The following DST variants were observed in gnomAD, a reference collection of about 807,000 sequenced individuals.
DST encodes bullous pemphigoid antigen.
Under a neutral mutation model 875.2 loss-of-function variants are expected in DST, and 253 were observed. The observed-to-expected ratio is 0.29, with a 90% CI of 0.26 to 0.32. DST has a LOEUF of 0.32. Among genes scored for constraint, DST ranks in the 10% least tolerant of loss-of-function variants. DST has a pLI of 1.00. For missense variants in DST, 8,287 were observed against 9,111.6 expected (o/e 0.91, Z 3.68); for synonymous variants, 3,124 against 3,197.1 (o/e 0.98, Z 0.77).
rs1470930996 is a variant in DST, at chr6:56,473,924, G to A, written c.21943C>T (p.Pro7315Ser). The A allele has an allele frequency of 1.9e-6, 3 of 1,594,150 alleles. No individual in the cohort carries two copies. In the African/African-American group the frequency reaches 4.0e-5, roughly 21 times the overall value. The change falls in exon 93 of 104, where the codon CCT (proline) becomes TCT (serine). Residue 7315 changes from proline to serine, a missense_variant. By Grantham distance (74) the Pro-to-Ser change is moderately conservative. Around this residue, in one of 10 missense-constraint regions of DST, gnomAD observed 1,292 missense variants for 1,552.7 expected, o/e 0.83. Transcript: ENST00000680361. ...TKTYKRRAAD[P>S]SSLQSHIPVL... Reference sequence around the variant, plus strand: ...GGAATATGGGATTGTAATGAGGAAGGATCAGCAGCTCTCCTCTTATAGGTC... The same window carrying A: ...GGAATATGGGATTGTAATGAGGAAGAATCAGCAGCTCTCCTCTTATAGGTC...
In DST at chr6:56,900,605, G is replaced by A. The variant is rs1275962990; in HGVS notation, c.233C>T (p.Pro78Leu). 5.1e-6 allele frequency: 7 copies of A among 1,367,536 alleles called. No homozygotes were observed. Among genetic ancestry groups the A allele is most frequent in the East Asian group, 9.1e-5 (2 of 21,980 alleles). The allele number at this position is 1,367,536 out of a possible 1,614,324, so 84.7% of individuals were successfully genotyped here. The change falls in exon 3 of 104, where the codon CCT becomes CTT. Residue 78 changes from proline (P) to leucine (L), a missense_variant. Physicochemically the swap from Pro to Leu is moderately conservative, Grantham distance 98. Around this residue, in one of 10 missense-constraint regions of DST, gnomAD observed 1,160 missense variants for 1,424.3 expected, o/e 0.81. Coordinates refer to ENST00000680361, the MANE Select transcript of DST (RefSeq NM_001374736.1). ...TGCAACTCGTCTTCTAAGATGCCGA[G>A]GGCTTGCTCTGAATCCCTGTGGCAG... is the stretch of plus-strand genomic sequence containing the variant. ...HFRSEGFRAS[P>L]RHLRRRVAAA... is the part of the protein sequence containing the mutation.
chr6:56,710,172 A>G (rs1445680659), intron 5 of DST, among the ~76,000 whole-genome samples: 1 of 152,208 alleles, frequency 6.6e-6, no homozygotes, highest in Non-Finnish European at 1.5e-5. Flanking sequence ...CAATCTGTAC[A>G]CAATAATAGA....
At chr6:56,469,056 TA>T in intron 97 of DST, 57 bp from the exon 98 acceptor site, 1 of 1,418,036 alleles carries the variant, frequency 7.1e-7, no homozygotes, top group Non-Finnish European at 9.8e-7. Flanking sequence ...AAACTTTCTG[TA>T]TGACTCTAGA....
chr6:56,792,975 G>A (rs1004189159), intron 4 of DST, among the ~76,000 whole-genome samples: 23 of 149,216 alleles, frequency 1.5e-4, no homozygotes, highest in Non-Finnish European at 3.0e-4. Flanking sequence ...GGCTGAGAAG[G>A]GAGACTCGCT....
intron 4 of DST, among the ~76,000 whole-genome samples, chr6:56,780,600 G>C (rs918830781): frequency 6.6e-6 from 1 of 152,024 alleles, no homozygotes. Flanking sequence ...AAATTTGTTG[G>C]AGTTCATTGT....
In DST at chr6:56,481,822, T is replaced by G. The variant is rs547405800; in HGVS notation, c.21531+228A>C. ...TGAGATAGGAAACAGAGTAACTACCTTCCCTGAAAAGGAAACATCAAAAGA... is the reference window on the plus strand; with the variant it reads ...TGAGATAGGAAACAGAGTAACTACCGTCCCTGAAAAGGAAACATCAAAAGA... On this transcript the variant is annotated intron_variant, in intron 90 of 103. Transcript: ENST00000680361. Among the ~76,000 whole-genome samples, 3 of 152,276 alleles carry G rather than the reference T, an allele frequency of 2.0e-5. No individual in the cohort carries two copies. In the East Asian group the frequency reaches 5.8e-4, roughly 29 times the overall value.
At chr6:56,488,926 C>T (rs1041666760) in intron 86 of DST, among the ~76,000 whole-genome samples, 1 of 152,046 alleles carries the variant, frequency 6.6e-6, no homozygotes, top group Non-Finnish European at 1.5e-5. Context: ...ATTTAAAAAA[C>T]AATGTTTCTA....
chr6:56,829,347 T>G (rs2099784418), intron 4 of DST, among the ~76,000 whole-genome samples: 1 of 152,194 alleles, frequency 6.6e-6, no homozygotes, highest in African/African-American at 2.4e-5. Context: ...TAAAAACACT[T>G]TTAAAAGTGT....
rs2098794401 is a variant in DST, at chr6:56,633,041, A to T, written c.3622-4T>A. The T allele has an allele frequency of 1.9e-6, 3 of 1,612,308 alleles. No individual in the cohort carries two copies. In the South Asian group the frequency reaches 3.3e-5, roughly 18 times the overall value. The stretch of plus-strand genomic sequence containing the variant: ...CACCAGGTAGCATTGTCTTTATCTA[A>T]AGAAGACCAAAGACCCATGTAATTC... On this transcript the variant is annotated splice_region_variant and splice_polypyrimidine_tract_variant and intron_variant, in intron 27 of 103. Coordinates refer to ENST00000680361, the MANE Select transcript of DST (RefSeq NM_001374736.1).
At chr6:56,524,871 C>G (rs1223893050) in intron 69 of DST, among the ~76,000 whole-genome samples, 1 of 151,682 alleles carries the variant, frequency 6.6e-6, no homozygotes, top group African/African-American at 2.4e-5. Flanking sequence ...ATGAATTTTT[C>G]TATATTCTTT....
chr6:56,694,495 G>C (rs2099251600), intron 9 of DST, among the ~76,000 whole-genome samples: 1 of 152,036 alleles, frequency 6.6e-6, no homozygotes, highest in African/African-American at 2.4e-5. Context: ...AAGAGAAGCT[G>C]GTAAAAATAA....
intron 4 of DST, among the ~76,000 whole-genome samples, chr6:56,748,656 C>T (rs2099579131): frequency 6.6e-6 from 1 of 152,204 alleles, no homozygotes; most frequent in Non-Finnish European, 1.5e-5. Context: ...CATCTCACAA[C>T]AATCTTACTA....
Position 56,607,421 on chromosome 6 carries a change from T to C in DST, c.7207A>G (p.Met2403Val). 6.2e-7 allele frequency: 1 copy of C among 1,610,950 alleles called. No individual in the cohort carries two copies. The highest frequency in any genetic ancestry group is 1.1e-5 in the South Asian group (1 of 90,824). The change falls in exon 40 of 104, where the codon ATG becomes GTG. Residue 2403 changes from methionine to valine, a missense_variant. By Grantham distance (21) the Met-to-Val change is conservative. Coordinates refer to ENST00000680361, the MANE Select transcript of DST (RefSeq NM_001374736.1). ...CAGAATTTACTCATTTTTGATTTCA[T>C]AATAGGATTTTCTATTAAATCACTT... ...FPSDLIENPIMKSKMSKFCGV... is the reference protein window; with the variant it reads ...FPSDLIENPIVKSKMSKFCGV...
At chr6:56,805,844 TTGA>T (rs2099752380) in intron 4 of DST, among the ~76,000 whole-genome samples, 1 of 152,250 alleles carries the variant, frequency 6.6e-6, no homozygotes, top group Non-Finnish European at 1.5e-5. Context: ...TAATGATTAT[TTGA>T]TGATTCAGAA....
chr6:56,932,859 A>G (rs1380380193), intron 2 of DST, among the ~76,000 whole-genome samples: 3 of 150,992 alleles, frequency 2.0e-5, no homozygotes, highest in Non-Finnish European at 4.4e-5. Flanking sequence ...GAGTTCCTTC[A>G]AGGGAATTTC....
intron 4 of DST, among the ~76,000 whole-genome samples, chr6:56,844,930 T>A (rs1167990117): frequency 6.6e-6 from 1 of 151,750 alleles, no homozygotes; most frequent in Non-Finnish European, 1.5e-5. Context: ...CTCCTTACTG[T>A]GTCACATGGG....
Position 56,527,245 on chromosome 6 carries a change from C to T in DST, c.17922+248G>A, listed in dbSNP as rs567203670. On this transcript the variant is annotated intron_variant, in intron 68 of 103. Coordinates refer to ENST00000680361, the MANE Select transcript of DST (RefSeq NM_001374736.1). ...CTTTTTTTTTTCTGTTTTCATCATT[C>T]TGTCCCTTGGGTAATAAACTATACT... 1.1e-4 allele frequency among the ~76,000 whole-genome samples: 17 copies of T among 151,602 alleles called. No individual in the cohort carries two copies. The East Asian group carries it at 2.9e-3, about 26-fold the overall frequency.
chr6:56,642,741 A>G lies in DST; in HGVS notation c.1779-238T>C, dbSNP rs776248872. ...GACTGGTTCGAGTGCTGGTAGTGTT[A>G]CTAAACACAGAATCACTGCTACGGT... On this transcript the variant is annotated intron_variant, in intron 15 of 103. Coordinates refer to ENST00000680361, the MANE Select transcript of DST (RefSeq NM_001374736.1). 6.2e-7 allele frequency: 1 copy of G among 1,614,024 alleles called. No homozygotes were observed. Among genetic ancestry groups the G allele is most frequent in the Non-Finnish European group, 8.5e-7 (1 of 1,179,970 alleles).
intron 22 of DST, among the ~76,000 whole-genome samples, chr6:56,637,873 A>C (rs1008520044): frequency 2.6e-5 from 4 of 152,176 alleles, no homozygotes; most frequent in Non-Finnish European, 2.9e-5. Flanking sequence ...TTCCGAATGG[A>C]ATGTATGATG....
Sources: gnomAD v4.1 joint callset for allele counts (sites outside exome capture counted in the v4.1 genomes callset) on GRCh38, gnomAD v4.1.1 for gene constraint, gnomAD v4.1.1 regional missense constraint, MANE v1.5 for transcripts, NCBI Gene and HGNC (gene_info 2026-07-23, HGNC 2026-07-21) for gene names.